Variants in DOP1B observed in about 807,000 individuals in gnomAD.
The protein encoded by DOP1B is DOP1 leucine zipper like protein B, also known as protein DOP1B.
DOP1B carries 174 observed loss-of-function variants against 233.5 expected under a neutral mutation model. The observed-to-expected ratio is 0.75, with a 90% CI of 0.66 to 0.85. The LOEUF is 0.85. Ranked by LOEUF, DOP1B falls within the 40% of genes least tolerant of loss-of-function variation. The pLI is 0.00. For synonymous variants in DOP1B, 1,190 were observed against 1,185.6 expected, an observed-to-expected ratio of 1.00 and a Z score of -0.08; for missense variants, 2,652 against 2,846.6, an observed-to-expected ratio of 0.93 and a Z score of 1.56.
In DOP1B at chr21:36,245,138, A is replaced by G. The variant is rs201451101; in HGVS notation, c.3158A>G (p.His1053Arg). The part of the protein sequence containing the change: ...PEPQESGSEE[H>R]LPLSQFTTVD... Reference sequence around the variant, plus strand: ...CCTCAGGAGAGCGGCTCTGAAGAGCACCTGCCTCTGAGCCAGTTCACCACA... The same window carrying G: ...CCTCAGGAGAGCGGCTCTGAAGAGCGCCTGCCTCTGAGCCAGTTCACCACA... Residue 1053 changes from histidine to arginine, a missense_variant, in exon 19 of 37, where the codon CAC (histidine) becomes CGC (arginine). His to Arg is a conservative substitution (Grantham distance 29). This residue lies in a region of DOP1B where 2,617 missense variants were observed against 2,794.3 expected (regional missense o/e 0.94). Coordinates refer to ENST00000691173, the MANE Select transcript of DOP1B (RefSeq NM_001320714.2). The surrounding 1 kb of genome is among the most constrained non-coding windows in gnomAD (Gnocchi z 5.5). 2 of 1,611,372 alleles carry G rather than the reference A, an allele frequency of 1.2e-6. No individual in the cohort carries two copies. Among genetic ancestry groups the G allele is most frequent in the Admixed American group, 3.3e-5 (2 of 59,736 alleles).
At chr21:36,227,417 G>C (rs781734236) in intron 12 of DOP1B, among the ~76,000 whole-genome samples, 1 of 150,820 alleles carries the variant, frequency 6.6e-6, no homozygotes, top group Non-Finnish European at 1.5e-5. Context: ...CGTGGTGGTG[G>C]GCACCTGTAG....
In DOP1B at chr21:36,158,976, T is replaced by A. The variant is rs553988851; in HGVS notation, c.-27+2033T>A. 5.4e-4 allele frequency among the ~76,000 whole-genome samples: 78 copies of A among 143,800 alleles called. No individual in the cohort carries two copies. In the East Asian group the frequency reaches 0.015, roughly 27 times the overall value. The allele number at this position is 143,800 out of a possible 152,430, so 94.3% of individuals were successfully genotyped here. ...AACTCTGTCTCTACCAAAAATATTT[T>A]AAAAAATTAGCCAGGCATTGTGGCG... On this transcript the variant is annotated intron_variant, in intron 1 of 36. Coordinates refer to ENST00000691173, the MANE Select transcript of DOP1B (RefSeq NM_001320714.2).
chr21:36,258,697 T>C (rs2835329), intron 23 of DOP1B, among the ~76,000 whole-genome samples: 21,921 of 152,204 alleles, frequency 0.14, 1,679 homozygotes, highest in South Asian at 0.26. Context: ...GACAATGCTC[T>C]ATGTGCACTG....
intron 2 of DOP1B, among the ~76,000 whole-genome samples, chr21:36,188,807 T>G (rs979214308): frequency 2.6e-5 from 4 of 152,224 alleles, no homozygotes; most frequent in Non-Finnish European, 5.9e-5. Flanking sequence ...AGGGTGACTG[T>G]CTCTTCTAGG....
intron 17 of DOP1B, among the ~76,000 whole-genome samples, chr21:36,239,028 G>A (rs377424830): frequency 1.3e-5 from 2 of 152,126 alleles, no homozygotes; most frequent in Admixed American, 6.6e-5. Flanking sequence ...ACTTGAACCC[G>A]GGAGGCAAAG....
chr21:36,267,665 A>G (rs960640553), intron 26 of DOP1B, among the ~76,000 whole-genome samples: 3 of 101,032 alleles, frequency 3.0e-5, no homozygotes, highest in African/African-American at 1.2e-4. Flanking sequence ...TTGCTCTGTT[A>G]TTGGGGGAAC....
At chr21:36,239,706 C>T (rs558388690) in intron 17 of DOP1B, 59 bp from the exon 18 acceptor site, 14 of 1,472,282 alleles carry the variant, frequency 9.5e-6, no homozygotes, top group East Asian at 7.6e-5. Context: ...GTGTCTGCCA[C>T]GGTGCCTGGC....
In DOP1B at chr21:36,267,747, A is replaced by G. The variant is rs113553827; in HGVS notation, c.5488-2266A>G. 5.3e-3 allele frequency among the ~76,000 whole-genome samples: 806 copies of G among 150,666 alleles called. 3 individuals are homozygous for G. The highest frequency in any genetic ancestry group is 0.018 in the African/African-American group (758 of 41,040). On this transcript the variant is annotated intron_variant, in intron 26 of 36. Coordinates refer to ENST00000691173, the MANE Select transcript of DOP1B (RefSeq NM_001320714.2). ...TCGGCCGGCTGAGAAATAAAGGGAC[A>G]CAGTATAAAGAGAGGAATGTTACAG...
chr21:36,238,634 G>A lies in DOP1B; in HGVS notation c.2809G>A (p.Val937Met), dbSNP rs142300961. Residue 937 changes from valine to methionine, a missense_variant, in exon 17 of 37, where the codon GTG (valine) becomes ATG (methionine). Physicochemically the swap from Val to Met is conservative, Grantham distance 21. This residue lies in a region of DOP1B where 2,617 missense variants were observed against 2,794.3 expected (regional missense o/e 0.94). Transcript: ENST00000691173. Reference protein sequence around the residue: ...TRLEALFRFSVIWHLTREIQG... With the variant: ...TRLEALFRFSMIWHLTREIQG... ...GCTGGAAGCTCTGTTTAGATTTTCC[G>A]TGATCTGGCATCTGACAAGAGAGAT... 3.1e-6 allele frequency: 5 copies of A among 1,614,066 alleles called. No individual in the cohort carries two copies. Among genetic ancestry groups the A allele is most frequent in the East Asian group, 4.5e-5 (2 of 44,898 alleles).
At chr21:36,265,262 G>A (rs1222867505) in intron 26 of DOP1B, among the ~76,000 whole-genome samples, 1 of 152,174 alleles carries the variant, frequency 6.6e-6, no homozygotes, top group Non-Finnish European at 1.5e-5. Context: ...CATGCCTGGT[G>A]GCGGATGCCT....
In DOP1B at chr21:36,219,810, C is replaced by G. The variant is rs112427190; in HGVS notation, c.1250+318C>G. On this transcript the variant is annotated intron_variant, in intron 10 of 36. Transcript: ENST00000691173. ...TTGATCAAGTATGAAACTCGTTTAACAAAGGCAGCTTGATCTAGTATACCC... is the reference window on the plus strand; with the variant it reads ...TTGATCAAGTATGAAACTCGTTTAAGAAAGGCAGCTTGATCTAGTATACCC... Among the ~76,000 whole-genome samples the G allele has an allele frequency of 4.6e-5, 7 of 150,966 alleles. 1 individual carries two copies. Among genetic ancestry groups the G allele is most frequent in the African/African-American group, 1.7e-4 (7 of 41,190 alleles).
At chr21:36,198,211 CA>C (rs2066315425) in intron 2 of DOP1B, among the ~76,000 whole-genome samples, 2 of 151,896 alleles carry the variant, frequency 1.3e-5, no homozygotes, top group Admixed American at 1.3e-4. Context: ...GGGTGGATCA[CA>C]AGGTCAGGAG....
At chr21:36,186,397 A>G (rs1185202394) in intron 2 of DOP1B, among the ~76,000 whole-genome samples, 1 of 151,906 alleles carries the variant, frequency 6.6e-6, no homozygotes, top group Non-Finnish European at 1.5e-5. Context: ...GCATGTGTGT[A>G]CATGTATGCA....
Position 36,200,445 on chromosome 21 carries a change from G to A in DOP1B, c.435G>A (p.Gln145=), listed in dbSNP as rs758679723. The change falls in exon 4 of 37, where the codon CAG becomes CAA. Residue 145 remains glutamine (Q), a synonymous_variant. Transcript: ENST00000691173. Reference sequence around the variant, plus strand: ...AGAAGCTGCTCCTGCCCAGTCTGCAGGCCTTCATCGTGGGCCTGCTGCCCG... The same window carrying A: ...AGAAGCTGCTCCTGCCCAGTCTGCAAGCCTTCATCGTGGGCCTGCTGCCCG... The part of the protein sequence containing the change: ...PLQKLLLPSL[Q]AFIVGLLPGL... 26 of 1,613,170 alleles carry A rather than the reference G, an allele frequency of 1.6e-5. No individual in the cohort carries two copies. Among genetic ancestry groups the A allele is most frequent in the Non-Finnish European group, 1.7e-5 (20 of 1,180,018 alleles).
At chr21:36,289,802 C>T (rs1035769738) in intron 35 of DOP1B, among the ~76,000 whole-genome samples, 3 of 152,164 alleles carry the variant, frequency 2.0e-5, no homozygotes, top group African/African-American at 7.2e-5. Context: ...GAAAAGGCTA[C>T]ACACTGTATG....
At chr21:36,165,566 C>T (rs895133110) in intron 2 of DOP1B, among the ~76,000 whole-genome samples, 2 of 152,096 alleles carry the variant, frequency 1.3e-5, no homozygotes, top group East Asian at 3.9e-4. Context: ...GGAACCGGGA[C>T]GCACAGCAGG....
At chr21:36,233,952 C>T (rs560868196) in intron 15 of DOP1B, among the ~76,000 whole-genome samples, 9 of 152,276 alleles carry the variant, frequency 5.9e-5, no homozygotes, top group Admixed American at 3.9e-4. Flanking sequence ...CTCCCATGTT[C>T]AAGCAATTCT....
chr21:36,292,141 G>GT lies in DOP1B; in HGVS notation c.6553_6554insT (p.Gly2185ValfsTer35). On this transcript the variant is annotated frameshift_variant, in exon 36 of 37. Coordinates refer to ENST00000691173, the MANE Select transcript of DOP1B (RefSeq NM_001320714.2). LOFTEE classifies it high-confidence loss of function. ...ATTTATTCCAGAAGTGGACACAGAG[G>GT]GCCCTGCCTTCCTGTCGGATGTAGA... 6.2e-7 allele frequency: 1 copy of GT among 1,611,816 alleles called. No homozygotes were observed.
chr21:36,208,695 C>G lies in DOP1B; in HGVS notation c.492-20C>G, dbSNP rs752701809. The G allele has an allele frequency of 8.7e-6, 14 of 1,609,268 alleles. No individual in the cohort carries two copies. The highest frequency in any genetic ancestry group is 1.7e-4 in the Middle Eastern group (1 of 6,028). ...GGAAGATGGGGCGAGCCCTTGAACC[C>G]TATCCTCTCTCATCAACAGAACGGA... is the stretch of plus-strand genomic sequence containing the variant. On this transcript the variant is annotated intron_variant, in intron 4 of 36. Coordinates refer to ENST00000691173, the MANE Select transcript of DOP1B (RefSeq NM_001320714.2).
Sources: gnomAD v4.1 joint callset for allele counts (sites outside exome capture counted in the v4.1 genomes callset) on GRCh38, gnomAD v4.1.1 for gene constraint, gnomAD v4.1.1 regional missense constraint, Gnocchi (gnomAD v3.1) non-coding constraint, MANE v1.5 for transcripts, NCBI Gene and HGNC (gene_info 2026-07-23, HGNC 2026-07-21) for gene names.